The following MANBA variants were observed in gnomAD, a reference collection of about 807,000 sequenced individuals.
The protein encoded by MANBA is beta-mannosidase.
In MANBA, 83 loss-of-function variants were observed where a neutral mutation model predicts 111.1. The ratio of observed to expected loss-of-function variants is 0.75; its 90% confidence interval spans 0.63 to 0.90. The LOEUF is 0.90. Among genes scored for constraint, MANBA ranks in the 40% least tolerant of loss-of-function variants. The pLI, the probability that MANBA is intolerant of heterozygous loss-of-function variation, is 0.00. For missense variants in MANBA, 1,036 were observed against 1,069.0 expected, an observed-to-expected ratio of 0.97 and a Z score of 0.43; for synonymous variants, 370 against 378.7, an observed-to-expected ratio of 0.98 and a Z score of 0.27.
At chr4:102,681,916 C>T (rs1371330957) in intron 7 of MANBA, among the ~76,000 whole-genome samples, 1 of 151,940 alleles carries the variant, frequency 6.6e-6, no homozygotes, top group African/African-American at 2.4e-5. Flanking sequence ...GAGGCAGAAG[C>T]GGGTGGATCA....
chr4:102,720,668 T>G, intron 4 of MANBA, among the ~76,000 whole-genome samples: 1 of 151,696 alleles, frequency 6.6e-6, no homozygotes, highest in Non-Finnish European at 1.5e-5. Context: ...CACTGTGTCA[T>G]TGGAAGCCAA....
At chr4:102,655,667 T>G (rs1191799914) in intron 12 of MANBA, among the ~76,000 whole-genome samples, 2 of 152,188 alleles carry the variant, frequency 1.3e-5, no homozygotes, top group East Asian at 3.8e-4. Context: ...GATCATAGAC[T>G]TGAATGCAAG....
intron 1 of MANBA, among the ~76,000 whole-genome samples, chr4:102,746,929 G>A (rs1349916522): frequency 4.0e-5 from 6 of 148,774 alleles, no homozygotes; most frequent in South Asian, 2.1e-4. Context: ...CAGAGATCGC[G>A]CCACTGCACT....
intron 2 of MANBA, among the ~76,000 whole-genome samples, chr4:102,725,934 G>A (rs1722775716): frequency 6.6e-6 from 1 of 152,084 alleles, no homozygotes; most frequent in South Asian, 2.1e-4. Context: ...TAGTTTTAAG[G>A]GGGAAAATCA....
rs542467374 is a variant in MANBA at position 102,740,178 on chromosome 4, C to T, written c.178-13495G>A. Among the ~76,000 whole-genome samples, 4 of 152,268 alleles carry T rather than the reference C, an allele frequency of 2.6e-5. No individual in the cohort carries two copies. The East Asian group carries it at 7.7e-4, about 29-fold the overall frequency. ...CAAGCTGATAATCAAATCAAGAACT[C>T]AACCCCTTTTACAATAGCTGCAAAA... is the stretch of plus-strand genomic sequence containing the variant. On this transcript the variant is annotated intron_variant, in intron 1 of 16. Transcript: ENST00000647097.
At chr4:102,708,193 C>A (rs1733389298) in intron 5 of MANBA, among the ~76,000 whole-genome samples, 1 of 152,072 alleles carries the variant, frequency 6.6e-6, no homozygotes, top group Non-Finnish European at 1.5e-5. Flanking sequence ...ATTATAGCTA[C>A]AAAATGCACA....
At chr4:102,699,038 A>G (rs1732880263) in intron 5 of MANBA, among the ~76,000 whole-genome samples, 1 of 151,956 alleles carries the variant, frequency 6.6e-6, no homozygotes, top group East Asian at 1.9e-4. Flanking sequence ...TTCATTGAGC[A>G]GTGGTTTGTA....
At chr4:102,751,400 C>G in intron 1 of MANBA, 3 of 445,112 alleles carry the variant, frequency 6.7e-6, no homozygotes, top group South Asian at 5.1e-5. Context: ...TACTCCTTGC[C>G]TTGGCTCAGC....
intron 1 of MANBA, among the ~76,000 whole-genome samples, chr4:102,748,439 T>C (rs1350251582): frequency 1.3e-5 from 2 of 152,156 alleles, no homozygotes; most frequent in Non-Finnish European, 2.9e-5. Context: ...ACTATATATA[T>C]ATATAGAATG....
At chr4:102,744,415 G>A (rs766686885) in intron 1 of MANBA, among the ~76,000 whole-genome samples, 2 of 152,196 alleles carry the variant, frequency 1.3e-5, no homozygotes, top group African/African-American at 4.8e-5. Flanking sequence ...TTGTGGAAGC[G>A]AAAGAGATCA....
At chr4:102,734,754 AG>A in intron 1 of MANBA, 3 of 610,838 alleles carry the variant, frequency 4.9e-6, no homozygotes, top group Non-Finnish European at 5.8e-6. Context: ...TCAGAGATCT[AG>A]ACAGTCATGA....
chr4:102,678,804 C>T (rs1053998577), intron 7 of MANBA, among the ~76,000 whole-genome samples: 5 of 152,130 alleles, frequency 3.3e-5, no homozygotes, highest in South Asian at 2.1e-4. Context: ...CTAAGAGGTA[C>T]GTGACTGATA....
intron 14 of MANBA, among the ~76,000 whole-genome samples, chr4:102,636,501 G>A (rs1729640419): frequency 6.6e-6 from 1 of 152,184 alleles, no homozygotes. Flanking sequence ...TACGGTGCAT[G>A]ACTGTATATA....
At chr4:102,698,336 G>C in intron 5 of MANBA, among the ~76,000 whole-genome samples, 1 of 151,128 alleles carries the variant, frequency 6.6e-6, no homozygotes, top group East Asian at 1.9e-4. Context: ...AGTTTCTTTT[G>C]CTGTGCAGAA....
chr4:102,712,680 G>C (rs59536591), intron 5 of MANBA, among the ~76,000 whole-genome samples: 1 of 151,830 alleles, frequency 6.6e-6, no homozygotes, highest in African/African-American at 2.4e-5. Context: ...CACCAGGCCT[G>C]GCTAATTTTT....
chr4:102,675,174 G>T (rs1370815962), intron 7 of MANBA, among the ~76,000 whole-genome samples: 2 of 152,198 alleles, frequency 1.3e-5, no homozygotes, highest in Non-Finnish European at 2.9e-5. Flanking sequence ...GGTTCTTTAA[G>T]TGTGGCCTGG....
At chr4:102,700,260 T>TAAAGAAAAGAC (rs1732961270) in intron 5 of MANBA, among the ~76,000 whole-genome samples, 1 of 148,684 alleles carries the variant, frequency 6.7e-6, no homozygotes, top group Non-Finnish European at 1.5e-5. Flanking sequence ...TTTTTCTTTA[T>TAAAGAAAAGAC]TAGTCTTGCT....
At chr4:102,741,712 G>A (rs916156007) in intron 1 of MANBA, among the ~76,000 whole-genome samples, 3 of 152,194 alleles carry the variant, frequency 2.0e-5, no homozygotes, top group African/African-American at 7.2e-5. Flanking sequence ...TTATAAGTGG[G>A]ACCTAAGCTA....
chr4:102,696,866 T>C (rs227375), intron 5 of MANBA, among the ~76,000 whole-genome samples: 63,571 of 152,038 alleles, frequency 0.42, 14,932 homozygotes, highest in Non-Finnish European at 0.52. Context: ...ATGGAATTTA[T>C]AAATTCAAAC....
Sources: gnomAD v4.1 joint callset for allele counts (sites outside exome capture counted in the v4.1 genomes callset) on GRCh38, gnomAD v4.1.1 for gene constraint, MANE v1.5 for transcripts, NCBI Gene and HGNC (gene_info 2026-07-23, HGNC 2026-07-21) for gene names.